The following MRTFA variants were observed in gnomAD, a reference collection of about 807,000 sequenced individuals.
The protein encoded by MRTFA is myocardin-related transcription factor A.
MRTFA carries 20 observed loss-of-function variants against 83.5 expected under a neutral mutation model. The ratio of observed to expected loss-of-function variants is 0.24; its 90% CI spans 0.17 to 0.35. The LOEUF (loss-of-function observed/expected upper bound fraction) is 0.35. MRTFA is among the 10% of genes least tolerant of loss of function. The probability of loss-of-function intolerance (pLI) is 1.00; values close to 1 mark genes in which losing one functional copy is unlikely to be tolerated. For missense variants in MRTFA, 1,200 were observed against 1,224.7 expected (o/e 0.98, Z 0.30); for synonymous variants, 659 against 541.2 (o/e 1.22, Z -3.02).
chr22:40,421,261 GCAGAAATGTGCC>G (rs2052833447), intron 9 of MRTFA, among the ~76,000 whole-genome samples, 161 bp from the exon 10 acceptor site: 3 of 152,168 alleles, frequency 2.0e-5, no homozygotes, highest in African/African-American at 7.2e-5. Flanking sequence ...CCCGTGAAAA[GCAGAAATGTGCC>G]CAGAAATGTG....
chr22:40,617,726 C>CA (rs36082563), intron 1 of MRTFA, among the ~76,000 whole-genome samples: 60,216 of 121,452 alleles, frequency 0.5, 13,623 homozygotes, highest in East Asian at 0.64. Context: ...GACTCTGTCT[C>CA]AAAAAAAAAA....
intron 3 of MRTFA, among the ~76,000 whole-genome samples, chr22:40,551,087 G>T (rs111499504): frequency 6.6e-6 from 1 of 151,668 alleles, no homozygotes; most frequent in African/African-American, 2.4e-5. Flanking sequence ...CCGACCTCAG[G>T]GATCCGCCCG....
intron 1 of MRTFA, among the ~76,000 whole-genome samples, chr22:40,625,561 T>A (rs2056572715): frequency 6.6e-6 from 1 of 152,156 alleles, no homozygotes; most frequent in Non-Finnish European, 1.5e-5. Context: ...GCAGATCACT[T>A]GAGGTCAGGA....
At chr22:40,600,000 T>C (rs965152744) in intron 1 of MRTFA, among the ~76,000 whole-genome samples, 2 of 141,550 alleles carry the variant, frequency 1.4e-5, no homozygotes, top group African/African-American at 2.6e-5. Context: ...ATTTAGAGGT[T>C]TGACTTATCA....
At chr22:40,628,472 G>C (rs1480281157) in intron 1 of MRTFA, among the ~76,000 whole-genome samples, 1 of 152,120 alleles carries the variant, frequency 6.6e-6, no homozygotes, top group Non-Finnish European at 1.5e-5. Flanking sequence ...ACAAAGACCT[G>C]TAAATAGCCT....
At chr22:40,429,841 G>A (rs1023154500) in intron 6 of MRTFA, 74 bp from the exon 7 acceptor site, 21 of 1,458,444 alleles carry the variant, frequency 1.4e-5, no homozygotes, top group Non-Finnish European at 1.8e-5. Flanking sequence ...CTCCAGAGCA[G>A]CTCTCCTTCC....
At chr22:40,549,863 T>C (rs1350544338) in intron 3 of MRTFA, among the ~76,000 whole-genome samples, 1 of 151,984 alleles carries the variant, frequency 6.6e-6, no homozygotes, top group Non-Finnish European at 1.5e-5. Context: ...ATCAGCCTGG[T>C]CAACATGGTG....
chr22:40,615,167 G>A lies in MRTFA; in HGVS notation c.-83-20432C>T, dbSNP rs59235045. Among the ~76,000 whole-genome samples the A allele has an allele frequency of 6.9e-3, 1,044 of 152,124 alleles. 11 individuals are homozygous for A. The highest frequency in any genetic ancestry group is 0.024 in the African/African-American group (1,006 of 41,518). On this transcript the variant is annotated intron_variant, in intron 1 of 14. Coordinates refer to ENST00000355630, the MANE Select transcript of MRTFA (RefSeq NM_020831.6). ...CAAACCATTTCAAATTAATTTTTAT[G>A]TATCATATGAGACTGGGATTGAGGT... is the stretch of plus-strand genomic sequence containing the variant.
At chr22:40,598,880 A>G (rs1305988248) in intron 1 of MRTFA, among the ~76,000 whole-genome samples, 1 of 151,580 alleles carries the variant, frequency 6.6e-6, no homozygotes, top group African/African-American at 2.4e-5. Flanking sequence ...AATCCCAGCT[A>G]CTTGGGAGGC....
At position 40,418,935 on chromosome 22, in the gene MRTFA, C is replaced by T. The variant is rs1412781849; in HGVS notation, c.1803G>A (p.Glu601=). The change falls in exon 12 of 15, where the codon GAG becomes GAA. Residue 601 remains glutamate (E), a synonymous_variant. Transcript: ENST00000355630. ...GGCAACAGGACCCGGCCCGGGGGCC[C>T]TCCTCCTTCACGAGGATCTGCAGTG... 6.2e-7 allele frequency: 1 copy of T among 1,612,828 alleles called. No individual in the cohort carries two copies.
At chr22:40,594,136 C>T (rs1366174378) in intron 2 of MRTFA, among the ~76,000 whole-genome samples, 1 of 152,192 alleles carries the variant, frequency 6.6e-6, no homozygotes, top group Admixed American at 6.5e-5. Context: ...TGTGTCAAAT[C>T]AAACTCTAGT....
intron 3 of MRTFA, chr22:40,519,708 G>T: frequency 1.1e-6 from 1 of 877,766 alleles, no homozygotes; most frequent in Non-Finnish European, 1.5e-6. Flanking sequence ...CATGGGTTCT[G>T]AAAAGCACAA....
rs747759364 is a variant in MRTFA at position 40,418,797 on chromosome 22, C to G, written c.1941G>C (p.Leu647=). ...CCAGCTGCAGCTTGAGCCGCTCCACCAGCTGCTGCTTCTGCCGGAGCATGC... is the reference window on the plus strand; with the variant it reads ...CCAGCTGCAGCTTGAGCCGCTCCACGAGCTGCTGCTTCTGCCGGAGCATGC... The change falls in exon 12 of 15, where the codon CTG becomes CTC. Residue 647 remains leucine (L), a synonymous_variant. Coordinates refer to ENST00000355630, the MANE Select transcript of MRTFA (RefSeq NM_020831.6). The G allele has an allele frequency of 1.9e-6, 3 of 1,601,136 alleles. No homozygotes were observed. In the East Asian group the frequency reaches 6.7e-5, roughly 36 times the overall value.
At chr22:40,481,157 CAG>C (rs1204380454) in intron 3 of MRTFA, among the ~76,000 whole-genome samples, 1 of 152,024 alleles carries the variant, frequency 6.6e-6, no homozygotes, top group Non-Finnish European at 1.5e-5. Context: ...TCTTCCCAGA[CAG>C]AGAGACAGGA....
At chr22:40,612,664 T>C (rs1199288027) in intron 1 of MRTFA, among the ~76,000 whole-genome samples, 3 of 152,178 alleles carry the variant, frequency 2.0e-5, no homozygotes, top group African/African-American at 7.2e-5. Flanking sequence ...AACATTTCCA[T>C]AAGCCAGGCA....
intron 2 of MRTFA, among the ~76,000 whole-genome samples, chr22:40,589,313 G>T (rs1035713375): frequency 2.6e-5 from 4 of 152,186 alleles, no homozygotes; most frequent in Non-Finnish European, 4.4e-5. Flanking sequence ...AGTGTTATCA[G>T]ACTGAGAATA....
At chr22:40,459,818 C>CATATATAT (rs1489036402) in intron 4 of MRTFA, among the ~76,000 whole-genome samples, 2 of 90,210 alleles carry the variant, frequency 2.2e-5, no homozygotes, top group Admixed American at 1.2e-4. Context: ...CACACACACA[C>CATATATAT]ACACATATAT....
At chr22:40,536,834 C>CG (rs1299494846) in intron 3 of MRTFA, among the ~76,000 whole-genome samples, 1 of 26,660 alleles carries the variant, frequency 3.8e-5, no homozygotes, top group Non-Finnish European at 7.0e-5. Context: ...TGCCCGGCCG[C>CG]CCCGTCTGAG....
chr22:40,446,499 C>A (rs2053381053), intron 4 of MRTFA, among the ~76,000 whole-genome samples: 1 of 152,116 alleles, frequency 6.6e-6, no homozygotes, highest in Non-Finnish European at 1.5e-5. Context: ...ATGAAGAGAG[C>A]CCACCCAGCA....
Sources: gnomAD v4.1 joint callset for allele counts (sites outside exome capture counted in the v4.1 genomes callset) on GRCh38, gnomAD v4.1.1 for gene constraint, MANE v1.5 for transcripts, NCBI Gene and HGNC (gene_info 2026-07-23, HGNC 2026-07-21) for gene names.